The following CGA variants were observed in gnomAD, a reference collection of about 807,000 sequenced individuals.
CGA encodes glycoprotein hormones, alpha polypeptide, also known as glycoprotein hormones alpha chain.
In CGA, 4 loss-of-function variants were observed where a neutral mutation model predicts 12.0. The ratio of observed to expected loss-of-function variants is 0.33; its 90% confidence interval spans 0.16 to 0.76. The LOEUF (loss-of-function observed/expected upper bound fraction) is 0.76, where lower values mean the gene tolerates loss of function less well. Among genes scored for constraint, CGA ranks in the 30% least tolerant of loss-of-function variants. CGA has a pLI of 0.60. For synonymous variants in CGA, 60 were observed against 56.6 expected, an observed-to-expected ratio of 1.06 and a Z score of -0.27; for missense variants, 102 against 143.5, an observed-to-expected ratio of 0.71 and a Z score of 1.48.
chr6:87,094,060 T>C (rs1311196069), intron 1 of CGA, among the ~76,000 whole-genome samples: 1 of 152,166 alleles, frequency 6.6e-6, no homozygotes, highest in Admixed American at 6.5e-5. Flanking sequence ...AGTCAAGTAA[T>C]TATTTAAAAG....
intron 1 of CGA, among the ~76,000 whole-genome samples, chr6:87,090,799 G>A (rs1283213177): frequency 8.1e-6 from 1 of 123,266 alleles, no homozygotes; most frequent in African/African-American, 3.0e-5. Flanking sequence ...CACCACGCTT[G>A]GCTAATTTTT....
rs1392470495 is a variant in CGA, at chr6:87,088,095, A to G, written c.88+18T>C. Reference sequence around the variant, plus strand: ...GTGTGTTGTCCTTATTACTTGAACCACAAATTTGGTCACGCACCCTGCACA... The same window carrying G: ...GTGTGTTGTCCTTATTACTTGAACCGCAAATTTGGTCACGCACCCTGCACA... On this transcript the variant is annotated intron_variant, in intron 2 of 3. Transcript: ENST00000627148. The G allele has an allele frequency of 2.0e-6, 3 of 1,516,528 alleles. No homozygotes were observed. The South Asian group carries it at 3.7e-5, about 19-fold the overall frequency. 93.9% of individuals were successfully genotyped at this position (1,516,528 alleles called of 1,614,324 possible). A position where few individuals can be genotyped will look rare whatever the true frequency, so the allele number is the denominator to read the frequency against.
intron 1 of CGA, among the ~76,000 whole-genome samples, chr6:87,092,980 T>C (rs1769468802): frequency 6.6e-6 from 1 of 152,068 alleles, no homozygotes; most frequent in Non-Finnish European, 1.5e-5. Flanking sequence ...GGTTTCTCTA[T>C]GTTGCCCAGG....
chr6:87,085,823 A>G lies in CGA; in HGVS notation c.284T>C (p.Met95Thr), dbSNP rs202123656. ...VAKSYNRVTVMGGFKVENHTA... is the reference protein window; with the variant it reads ...VAKSYNRVTVTGGFKVENHTA... Reference sequence around the variant, plus strand: ...GTGGTTCTCCACTTTGAAACCCCCCATTACTGTGACCTAAAGGGGAAGGAA... The same window carrying G: ...GTGGTTCTCCACTTTGAAACCCCCCGTTACTGTGACCTAAAGGGGAAGGAA... Residue 95 changes from methionine (M) to threonine (T), a missense_variant, in exon 4 of 4, where the codon ATG (methionine) becomes ACG (threonine). Transcript: ENST00000627148. The G allele has an allele frequency of 3.4e-5, 54 of 1,604,746 alleles. No homozygotes were observed. The highest frequency in any genetic ancestry group is 4.4e-5 in the Non-Finnish European group (52 of 1,171,882).
At chr6:87,088,464 A>G (rs1033610828) in intron 1 of CGA, among the ~76,000 whole-genome samples, 2 of 152,170 alleles carry the variant, frequency 1.3e-5, no homozygotes, top group African/African-American at 2.4e-5. Context: ...AATAATAATT[A>G]CAAAAAATTC....
chr6:87,092,468 G>A (rs1244089034), intron 1 of CGA, among the ~76,000 whole-genome samples: 1 of 151,712 alleles, frequency 6.6e-6, no homozygotes, highest in Non-Finnish European at 1.5e-5. Context: ...AACTGGGATC[G>A]AGCCACTGTA....
At chr6:87,089,903 A>C (rs1448578347) in intron 1 of CGA, among the ~76,000 whole-genome samples, 1 of 152,230 alleles carries the variant, frequency 6.6e-6, no homozygotes, top group Non-Finnish European at 1.5e-5. Flanking sequence ...CCTTCAGGCT[A>C]TGTGTATATG....
At chr6:87,088,558 G>A (rs1461302402) in intron 1 of CGA, among the ~76,000 whole-genome samples, 1 of 151,478 alleles carries the variant, frequency 6.6e-6, no homozygotes, top group Non-Finnish European at 1.5e-5. Flanking sequence ...GTAAAACATG[G>A]AACTTAAACT....
intron 1 of CGA, among the ~76,000 whole-genome samples, chr6:87,094,351 G>A (rs1008509324): frequency 6.6e-6 from 1 of 152,194 alleles, no homozygotes; most frequent in Non-Finnish European, 1.5e-5. Flanking sequence ...ACCAAGGTTA[G>A]CTGCAAAAAA....
intron 1 of CGA, among the ~76,000 whole-genome samples, chr6:87,090,913 TG>T (rs1348249059): frequency 2.6e-5 from 4 of 151,966 alleles, no homozygotes; most frequent in African/African-American, 9.7e-5. Context: ...CCCAAAGTGC[TG>T]GGATTACAGG....
At chr6:87,087,878 G>A (rs758903705) in intron 2 of CGA, 23 of 305,070 alleles carry the variant, frequency 7.5e-5, no homozygotes, top group Non-Finnish European at 1.2e-4. Context: ...ATCTATTTCC[G>A]ATGAAAATGT....
Position 87,085,685 on chromosome 6 carries a change from A to G in CGA, c.*71T>C, listed in dbSNP as rs1324065074. The G allele has an allele frequency of 9.3e-7, 1 of 1,072,434 alleles. No homozygotes were observed. Among genetic ancestry groups the G allele is most frequent in the Non-Finnish European group, 1.4e-6 (1 of 702,082 alleles). 66.4% of individuals were successfully genotyped at this position (1,072,434 alleles called of 1,614,324 possible). A position where few individuals can be genotyped will look rare whatever the true frequency, so the allele number is the denominator to read the frequency against. On this transcript the variant is annotated 3_prime_UTR_variant, in exon 4 of 4. Coordinates refer to ENST00000627148, the MANE Select transcript of CGA (RefSeq NM_000735.4). ...AAGGAGAGTTTTATCTCACAAAGCCATAAACACTAAACAACTTAATTTTCC... is the reference window on the plus strand; with the variant it reads ...AAGGAGAGTTTTATCTCACAAAGCCGTAAACACTAAACAACTTAATTTTCC...
chr6:87,086,021 C>A, intron 3 of CGA, 188 bp from the exon 4 acceptor site: 1 of 649,300 alleles, frequency 1.5e-6, no homozygotes, highest in South Asian at 2.0e-5. Flanking sequence ...TCCCAACCTG[C>A]CCCTTGTCAC....
intron 2 of CGA, chr6:87,086,650 A>AC: frequency 1.9e-6 from 1 of 522,042 alleles, no homozygotes; most frequent in Non-Finnish European, 3.4e-6. Context: ...GCCAGACGTG[A>AC]TGGTGCACAC....
At chr6:87,088,642 A>G (rs1314694814) in intron 1 of CGA, among the ~76,000 whole-genome samples, 1 of 152,186 alleles carries the variant, frequency 6.6e-6, no homozygotes, top group Non-Finnish European at 1.5e-5. Context: ...TGGAGGATAA[A>G]CACAAAGTAT....
At chr6:87,086,947 C>A (rs1173637164) in intron 2 of CGA, among the ~76,000 whole-genome samples, 1 of 152,034 alleles carries the variant, frequency 6.6e-6, no homozygotes, top group African/African-American at 2.4e-5. Flanking sequence ...GGCATGGTGG[C>A]AGGTGCCTGT....
intron 2 of CGA, among the ~76,000 whole-genome samples, chr6:87,087,089 G>A (rs949692698): frequency 3.0e-4 from 45 of 152,052 alleles, no homozygotes; most frequent in Admixed American, 2.9e-3. Flanking sequence ...AAAAGAAAAG[G>A]CAAGGCAAGA....
chr6:87,086,147 C>A, intron 3 of CGA, 103 bp downstream of exon 3: 1 of 1,024,328 alleles, frequency 9.8e-7, no homozygotes, highest in South Asian at 1.5e-5. Context: ...TCGACAGAGG[C>A]TGGGTCATTA....
chr6:87,092,867 C>T (rs1463288725), intron 1 of CGA, among the ~76,000 whole-genome samples: 1 of 151,448 alleles, frequency 6.6e-6, no homozygotes, highest in East Asian at 1.9e-4. Flanking sequence ...CCCATCTTAG[C>T]CTCCCGGGTA....
Sources: allele counts gnomAD v4.1 joint callset (sites outside exome capture counted in the v4.1 genomes callset), GRCh38; gene constraint gnomAD v4.1.1; transcripts MANE v1.5; gene names NCBI Gene and HGNC (gene_info 2026-07-23, HGNC 2026-07-21).